The following LHFPL3 variants were observed in gnomAD, a reference collection of about 807,000 sequenced individuals.
LHFPL3 encodes LHFPL tetraspan subfamily member 3 protein.
In LHFPL3, 5 loss-of-function variants were observed where a neutral mutation model predicts 19.3. That is an observed-to-expected ratio of 0.26 (90% CI 0.14 to 0.54). LHFPL3 has a LOEUF of 0.54. Ranked by LOEUF, LHFPL3 falls within the 20% of genes least tolerant of loss-of-function variation. The pLI is 0.94. For missense variants in LHFPL3, 249 were observed against 307.4 expected (o/e 0.81, Z 1.42); for synonymous variants, 133 against 126.2 (o/e 1.05, Z -0.36).
chr7:104,557,172 G>A (rs553799139), intron 1 of LHFPL3, among the ~76,000 whole-genome samples: 4 of 152,042 alleles, frequency 2.6e-5, no homozygotes, highest in Admixed American at 6.6e-5. Context: ...TTCCAAAGTC[G>A]CTTTCACATT....
chr7:104,384,472 G>A (rs1196251592), intron 1 of LHFPL3, among the ~76,000 whole-genome samples: 5 of 152,026 alleles, frequency 3.3e-5, no homozygotes, highest in Non-Finnish European at 5.9e-5. Context: ...GCGCTTGTAT[G>A]AAACAAAAGT....
At chr7:104,785,085 C>CA (rs796919177) in intron 2 of LHFPL3, 9 of 152,290 alleles carry the variant, frequency 5.9e-5, no homozygotes, top group African/African-American at 2.2e-4. Context: ...TATCATCATT[C>CA]AAAAATATTT....
intron 2 of LHFPL3, among the ~76,000 whole-genome samples, chr7:104,780,502 G>C (rs1449881336): frequency 6.6e-6 from 1 of 152,088 alleles, no homozygotes; most frequent in African/African-American, 2.4e-5. Flanking sequence ...TTGGTCTCTA[G>C]TGCTGCTTCC....
At chr7:104,347,752 C>T (rs973222326) in intron 1 of LHFPL3, among the ~76,000 whole-genome samples, 5 of 151,988 alleles carry the variant, frequency 3.3e-5, no homozygotes, top group African/African-American at 7.2e-5. Context: ...ATTAGTCGGG[C>T]GTGGTGGCAC....
At chr7:104,723,559 G>A (rs1030073293) in intron 1 of LHFPL3, among the ~76,000 whole-genome samples, 2 of 151,294 alleles carry the variant, frequency 1.3e-5, no homozygotes, top group South Asian at 2.1e-4. Context: ...CTGTCTCTAC[G>A]AAAAATACAA....
At chr7:104,460,396 T>A (rs1792636038) in intron 1 of LHFPL3, among the ~76,000 whole-genome samples, 1 of 152,188 alleles carries the variant, frequency 6.6e-6, no homozygotes, top group South Asian at 2.1e-4. Flanking sequence ...AAGTAGTAGT[T>A]CTATTTTTGG....
intron 1 of LHFPL3, among the ~76,000 whole-genome samples, chr7:104,670,201 A>G (rs1434084523): frequency 2.6e-5 from 4 of 151,628 alleles, no homozygotes; most frequent in South Asian, 4.2e-4. Context: ...GCCATAAAGA[A>G]TGGGACTCAT....
intron 2 of LHFPL3, among the ~76,000 whole-genome samples, chr7:104,791,615 G>T (rs1181400519): frequency 6.6e-6 from 1 of 151,972 alleles, no homozygotes; most frequent in Non-Finnish European, 1.5e-5. Context: ...AAAATTTGTG[G>T]AAGATCTCCC....
chr7:104,534,257 A>G (rs557763923), intron 1 of LHFPL3, among the ~76,000 whole-genome samples: 14 of 152,166 alleles, frequency 9.2e-5, no homozygotes, highest in Non-Finnish European at 2.1e-4. Flanking sequence ...AAATCCGTGA[A>G]ATGCTTAAAA....
At chr7:104,653,412 G>A (rs903865205) in intron 1 of LHFPL3, among the ~76,000 whole-genome samples, 2 of 152,172 alleles carry the variant, frequency 1.3e-5, no homozygotes, top group South Asian at 2.1e-4. Context: ...GTGGAACAGC[G>A]AGGCAGAGAG....
intron 2 of LHFPL3, among the ~76,000 whole-genome samples, chr7:104,752,235 A>G (rs933039815): frequency 1.3e-5 from 2 of 152,122 alleles, no homozygotes; most frequent in Admixed American, 6.5e-5. Flanking sequence ...AATTGATTAT[A>G]GTCAACATTT....
intron 1 of LHFPL3, among the ~76,000 whole-genome samples, chr7:104,365,014 A>G (rs1790457109): frequency 6.6e-6 from 1 of 152,178 alleles, no homozygotes; most frequent in Admixed American, 6.5e-5. Flanking sequence ...AAGAGATGGG[A>G]GCAGGCTGGG....
intron 1 of LHFPL3, among the ~76,000 whole-genome samples, chr7:104,398,849 C>CAAA (rs57542139): frequency 1.4e-5 from 2 of 143,784 alleles, no homozygotes; most frequent in Admixed American, 1.3e-4. Flanking sequence ...TGCCCGCCCC[C>CAAA]CGGCCCTGAA....
intron 1 of LHFPL3, among the ~76,000 whole-genome samples, chr7:104,661,668 C>G (rs181350737): frequency 6.6e-6 from 1 of 152,188 alleles, no homozygotes; most frequent in Non-Finnish European, 1.5e-5. Flanking sequence ...CAAAGGTTGC[C>G]TGAAGCCATG....
At chr7:104,695,496 G>C (rs1006157306) in intron 1 of LHFPL3, among the ~76,000 whole-genome samples, 1 of 152,194 alleles carries the variant, frequency 6.6e-6, no homozygotes, top group Non-Finnish European at 1.5e-5. Context: ...AAAACAAGTA[G>C]CTGGTGAGAA....
intron 2 of LHFPL3, among the ~76,000 whole-genome samples, chr7:104,856,194 G>A (rs887809884): frequency 2.7e-5 from 4 of 150,346 alleles, no homozygotes; most frequent in Admixed American, 2.0e-4. Context: ...GGTTTAGAAT[G>A]CCAATGCCTG....
At chr7:104,833,981 G>A (rs1791041048) in intron 2 of LHFPL3, among the ~76,000 whole-genome samples, 1 of 146,890 alleles carries the variant, frequency 6.8e-6, no homozygotes, top group South Asian at 2.2e-4. Context: ...AGGAGACCCA[G>A]TCTGAGTCTC....
At chr7:104,841,581 C>A (rs1791210271) in intron 2 of LHFPL3, among the ~76,000 whole-genome samples, 1 of 150,000 alleles carries the variant, frequency 6.7e-6, no homozygotes, top group South Asian at 2.1e-4. Flanking sequence ...TGTCTGCTTT[C>A]CCATGTATGA....
intron 1 of LHFPL3, among the ~76,000 whole-genome samples, chr7:104,453,324 C>G (rs1447091192): frequency 6.6e-6 from 1 of 151,606 alleles, no homozygotes; most frequent in African/African-American, 2.4e-5. Flanking sequence ...TACTAGAGGC[C>G]ATTTCAGGAA....
Sources: gnomAD v4.1 joint callset for allele counts (sites outside exome capture counted in the v4.1 genomes callset) on GRCh38, gnomAD v4.1.1 for gene constraint, MANE v1.5 for transcripts, NCBI Gene and HGNC (gene_info 2026-07-23, HGNC 2026-07-21) for gene names.